NEBL: variants seen among roughly 807,000 people sequenced by gnomAD.
NEBL encodes the protein nebulette, also known as LIM and SH3 protein 2.
Under a neutral mutation model 140.2 loss-of-function variants are expected in NEBL, and 122 were observed. The observed-to-expected ratio is 0.87, with a 90% CI of 0.75 to 1.01. The LOEUF (loss-of-function observed/expected upper bound fraction) is 1.01, where lower values mean the gene tolerates loss of function less well. NEBL is among the 50% of genes least tolerant of loss of function. The probability of loss-of-function intolerance (pLI) is 0.00; values close to 1 mark genes in which losing one functional copy is unlikely to be tolerated. For missense variants in NEBL, 1,365 were observed against 1,231.3 expected (o/e 1.11, Z -1.62); for synonymous variants, 436 against 398.9 (o/e 1.09, Z -1.11).
chr10:20,915,950 C>T (rs1306170897), intron 4 of NEBL, among the ~76,000 whole-genome samples: 1 of 152,202 alleles, frequency 6.6e-6, no homozygotes, highest in Non-Finnish European at 1.5e-5. Context: ...AATTGTTAAA[C>T]TGCATTACCA....
intron 3 of NEBL, among the ~76,000 whole-genome samples, chr10:20,977,253 T>G (rs957956937): frequency 6.6e-6 from 1 of 150,598 alleles, no homozygotes; most frequent in South Asian, 2.1e-4. Flanking sequence ...GTTAAAGTAC[T>G]GACCTAAAGT....
At chr10:21,146,183 T>G (rs1218628873) in intron 2 of NEBL, among the ~76,000 whole-genome samples, 1 of 152,242 alleles carries the variant, frequency 6.6e-6, no homozygotes, top group Non-Finnish European at 1.5e-5. Flanking sequence ...CTGCTTAATC[T>G]AGGTCAGTGA....
chr10:20,960,406 G>C (rs745978666), intron 4 of NEBL, among the ~76,000 whole-genome samples: 1 of 151,848 alleles, frequency 6.6e-6, no homozygotes. Flanking sequence ...GCTGGGATGG[G>C]GTAGAAAAAC....
At chr10:20,992,858 A>C (rs1467898969) in intron 3 of NEBL, among the ~76,000 whole-genome samples, 2 of 131,046 alleles carry the variant, frequency 1.5e-5, no homozygotes, top group South Asian at 4.9e-4. Flanking sequence ...GCTCACTGCA[A>C]GCTCCGCCTC....
intron 7 of NEBL, chr10:20,867,942 T>C (rs925340497): frequency 6.6e-5 from 10 of 152,012 alleles, no homozygotes; most frequent in African/African-American, 2.4e-4. Context: ...TATTAACTTA[T>C]AGTAACTCAT....
upstream of NEBL, chr10:21,174,467 T>A (rs1350552344): frequency 6.6e-6 from 1 of 152,316 alleles, no homozygotes; most frequent in Non-Finnish European, 1.5e-5. Context: ...CTTCCCTCCC[T>A]CTTCTCTTCC....
At chr10:20,896,330 G>A (rs1847468746) in intron 2 of NEBL, among the ~76,000 whole-genome samples, 1 of 151,256 alleles carries the variant, frequency 6.6e-6, no homozygotes, top group East Asian at 1.9e-4. Context: ...ATAATTCTGG[G>A]ATTCCCTTAA....
intron 2 of NEBL, among the ~76,000 whole-genome samples, chr10:21,025,536 A>C (rs1012274473): frequency 1.3e-5 from 2 of 152,210 alleles, no homozygotes; most frequent in Non-Finnish European, 2.9e-5. Flanking sequence ...GTTATATGCA[A>C]ATCACTAGAC....
intron 3 of NEBL, among the ~76,000 whole-genome samples, chr10:20,982,117 C>T (rs16921329): frequency 0.038 from 5,850 of 152,290 alleles, 359 homozygotes; most frequent in African/African-American, 0.13. Context: ...CGTTCAATTA[C>T]CCACCCTAAC....
At chr10:20,890,053 T>C in intron 2 of NEBL, 104 bp from the exon 3 acceptor site, 1 of 747,476 alleles carries the variant, frequency 1.3e-6, no homozygotes, top group Admixed American at 2.6e-5. Flanking sequence ...CTGAAGTAAA[T>C]ACTCAAGTGT....
chr10:21,141,057 C>G (rs1487723287), intron 2 of NEBL, among the ~76,000 whole-genome samples: 1 of 97,302 alleles, frequency 1.0e-5, no homozygotes, highest in Non-Finnish European at 1.8e-5. Flanking sequence ...AAGAGGTATT[C>G]GACAAAAAAA....
intron 14 of NEBL, among the ~76,000 whole-genome samples, chr10:20,833,506 T>TA (rs1390543500): frequency 1.3e-5 from 2 of 152,146 alleles, no homozygotes; most frequent in Non-Finnish European, 2.9e-5. Flanking sequence ...GGGGGGTTTT[T>TA]ATTGACTAAG....
chr10:20,849,403 G>A (rs573795121), intron 11 of NEBL, among the ~76,000 whole-genome samples: 45 of 152,220 alleles, frequency 3.0e-4, no homozygotes, highest in African/African-American at 6.7e-4. Context: ...TTCAAAGTTC[G>A]TGTGTTGAAA....
chr10:21,151,212 T>C (rs1316862295), intron 2 of NEBL, among the ~76,000 whole-genome samples: 3 of 152,176 alleles, frequency 2.0e-5, no homozygotes, highest in South Asian at 2.1e-4. Context: ...TTTGCACATA[T>C]AGCAACGCAC....
rs189648035 is a variant in NEBL at position 20,989,657 on chromosome 10, G to C, written c.250-27878C>G. ...GTACTAGCATGGGACTAGATAAATTGATCAACAGAACAAAGCAGAAGGCCC... is the reference window on the plus strand; with the variant it reads ...GTACTAGCATGGGACTAGATAAATTCATCAACAGAACAAAGCAGAAGGCCC... On this transcript the variant is annotated intron_variant, in intron 3 of 6. Coordinates refer to the NEBL transcript ENST00000417816. Among the ~76,000 whole-genome samples the C allele has an allele frequency of 1.3e-3, 200 of 152,236 alleles. 1 individual carries two copies. Among genetic ancestry groups the C allele is most frequent in the African/African-American group, 4.6e-3 (190 of 41,526 alleles).
Position 20,809,797 on chromosome 10 carries a change from G to C in NEBL, c.2611+9C>G. 6.3e-7 allele frequency: 1 copy of C among 1,583,462 alleles called. No individual in the cohort carries two copies. The highest frequency in any genetic ancestry group is 8.7e-7 in the Non-Finnish European group (1 of 1,152,260). Reference sequence around the variant, plus strand: ...ACATAAATGGGATGAACTAAAAAGTGAGTAATACCAGAGAGCATATGGAGA... The same window carrying C: ...ACATAAATGGGATGAACTAAAAAGTCAGTAATACCAGAGAGCATATGGAGA... On this transcript the variant is annotated intron_variant, in intron 25 of 27. Coordinates refer to ENST00000377122, the MANE Select transcript of NEBL (RefSeq NM_006393.3).
chr10:21,282,975 A>C (rs1843010857), intron 1 of NEBL, among the ~76,000 whole-genome samples: 1 of 151,972 alleles, frequency 6.6e-6, no homozygotes, highest in African/African-American at 2.4e-5. Context: ...AAATACAAAA[A>C]ATTTTAAAAA....
At chr10:21,282,656 T>C (rs1197491532) in intron 1 of NEBL, among the ~76,000 whole-genome samples, 1 of 152,048 alleles carries the variant, frequency 6.6e-6, no homozygotes. Context: ...TTACAACAGG[T>C]CATATTGTCA....
intron 3 of NEBL, among the ~76,000 whole-genome samples, chr10:20,966,324 T>C (rs949743770): frequency 1.3e-5 from 2 of 152,238 alleles, no homozygotes; most frequent in African/African-American, 4.8e-5. Flanking sequence ...TTTAAACCGA[T>C]TCTTTTCTGT....
Sources: allele counts gnomAD v4.1 joint callset (sites outside exome capture counted in the v4.1 genomes callset), GRCh38; gene constraint gnomAD v4.1.1; transcripts MANE v1.5; gene names NCBI Gene and HGNC (gene_info 2026-07-23, HGNC 2026-07-21).